OSBP2: variants seen among roughly 807,000 people sequenced by gnomAD.
OSBP2 encodes the protein oxysterol-binding protein 2.
A neutral mutation model predicts 96.0 loss-of-function variants in OSBP2; 66 were observed. That is an observed-to-expected ratio of 0.69 (90% CI 0.56 to 0.84). OSBP2 has a LOEUF of 0.84. Ranked by LOEUF, OSBP2 falls within the 40% of genes least tolerant of loss-of-function variation. OSBP2 has a pLI of 0.00. For synonymous variants in OSBP2, 525 were observed against 520.9 expected, an observed-to-expected ratio of 1.01 and a Z score of -0.11; for missense variants, 1,038 against 1,222.7, an observed-to-expected ratio of 0.85 and a Z score of 2.25.
chr22:30,783,611 T>G (rs972169928), intron 2 of OSBP2, among the ~76,000 whole-genome samples: 2 of 152,164 alleles, frequency 1.3e-5, no homozygotes, highest in African/African-American at 2.4e-5. Flanking sequence ...CGTGAGCCAC[T>G]ACGCCAGGCC....
intron 3 of OSBP2, among the ~76,000 whole-genome samples, chr22:30,883,677 G>T (rs2039746897): frequency 6.6e-6 from 1 of 152,178 alleles, no homozygotes; most frequent in Non-Finnish European, 1.5e-5. Context: ...GTGCCCTCAG[G>T]GCTAGCTTTG....
At chr22:30,859,189 G>A (rs79330895) in intron 2 of OSBP2, among the ~76,000 whole-genome samples, 2 of 151,982 alleles carry the variant, frequency 1.3e-5, no homozygotes, top group Non-Finnish European at 2.9e-5. Flanking sequence ...AGGAGAAGCC[G>A]CGCTGGCTGT....
At chr22:30,725,797 T>C (rs534591978) in intron 1 of OSBP2, among the ~76,000 whole-genome samples, 2 of 151,850 alleles carry the variant, frequency 1.3e-5, no homozygotes, top group South Asian at 4.2e-4. Flanking sequence ...AGTCTTTTTT[T>C]TTTTTTTCCT....
At chr22:30,885,757 A>G (rs1442268133) in intron 3 of OSBP2, among the ~76,000 whole-genome samples, 1 of 152,226 alleles carries the variant, frequency 6.6e-6, no homozygotes, top group Non-Finnish European at 1.5e-5. Context: ...GGGCCCTACC[A>G]TAATGAGCAA....
chr22:30,806,228 A>G (rs2090925869), intron 2 of OSBP2, among the ~76,000 whole-genome samples: 1 of 152,194 alleles, frequency 6.6e-6, no homozygotes, highest in South Asian at 2.1e-4. Flanking sequence ...GACCTCACAG[A>G]TGAGCTGATG....
intron 12 of OSBP2, among the ~76,000 whole-genome samples, chr22:30,905,332 C>T (rs191945756): frequency 6.6e-6 from 1 of 151,134 alleles, no homozygotes; most frequent in Non-Finnish European, 1.5e-5. Context: ...TTAGTAGAAA[C>T]GGGCTTTCAC....
At chr22:30,814,165 C>T (rs1176085375) in intron 2 of OSBP2, among the ~76,000 whole-genome samples, 1 of 152,100 alleles carries the variant, frequency 6.6e-6, no homozygotes, top group Non-Finnish European at 1.5e-5. Context: ...GTATATGAGT[C>T]AGCCTGGGCT....
intron 2 of OSBP2, chr22:30,764,340 A>T: frequency 2.0e-6 from 2 of 985,382 alleles, no homozygotes; most frequent in Non-Finnish European, 2.4e-6. Context: ...GGCCCTAAAG[A>T]ATACCTGGAC....
At chr22:30,838,219 C>T (rs1423579964) in intron 2 of OSBP2, among the ~76,000 whole-genome samples, 1 of 152,142 alleles carries the variant, frequency 6.6e-6, no homozygotes, top group African/African-American at 2.4e-5. Flanking sequence ...GCTTCATGCA[C>T]ATCCCGAGCA....
intron 2 of OSBP2, among the ~76,000 whole-genome samples, chr22:30,845,903 G>C (rs1174545104): frequency 6.9e-6 from 1 of 144,498 alleles, no homozygotes; most frequent in South Asian, 2.2e-4. Flanking sequence ...AAAAAAGGCA[G>C]TATTTGCAAA....
chr22:30,889,696 G>T, intron 7 of OSBP2, 60 bp downstream of exon 7: 1 of 1,522,308 alleles, frequency 6.6e-7, no homozygotes, highest in Non-Finnish European at 9.1e-7. Flanking sequence ...CCTGTGCGTG[G>T]ATGAGCAGTA....
intron 1 of OSBP2, among the ~76,000 whole-genome samples, chr22:30,727,307 A>G (rs1006198312): frequency 1.3e-5 from 2 of 152,098 alleles, no homozygotes; most frequent in Non-Finnish European, 1.5e-5. Context: ...GTGTCTCTCA[A>G]ACATTGCCCT....
chr22:30,759,252 G>A (rs2090178470), intron 2 of OSBP2, among the ~76,000 whole-genome samples: 1 of 152,180 alleles, frequency 6.6e-6, no homozygotes, highest in Admixed American at 6.6e-5. Flanking sequence ...GGAGGCTGAG[G>A]CAGGAGAATC....
At chr22:30,831,092 A>G (rs2038513092) in intron 2 of OSBP2, among the ~76,000 whole-genome samples, 1 of 152,208 alleles carries the variant, frequency 6.6e-6, no homozygotes, top group Admixed American at 6.5e-5. Flanking sequence ...TCCGGGACAC[A>G]TTGCCAAGAA....
chr22:30,724,738 A>G (rs1021999423), intron 1 of OSBP2, among the ~76,000 whole-genome samples: 1 of 152,240 alleles, frequency 6.6e-6, no homozygotes, highest in Non-Finnish European at 1.5e-5. Flanking sequence ...GGGACGAGAC[A>G]GTCCAGGTCC....
chr22:30,813,171 C>CTTTTTTTTTTT (rs911860511), intron 2 of OSBP2, among the ~76,000 whole-genome samples: 1 of 78,588 alleles, frequency 1.3e-5, no homozygotes, highest in Non-Finnish European at 2.5e-5. Flanking sequence ...ATGTTGCATT[C>CTTTTTTTTTTT]TTTTTTTTTT....
rs1381890154 is a variant in OSBP2, at chr22:30,893,842, A to AGG, written c.2218_2219dup (p.Lys741AlafsTer67). 1 of 1,589,550 alleles carries AGG rather than the reference A, an allele frequency of 6.3e-7. No individual in the cohort carries two copies. ...GTGACAGGAGTGGTGAGTGACAGCC[A>AGG]GGGCAAGGCCCATTACGTGCTGTCC... On this transcript the variant is annotated frameshift_variant, in exon 12 of 14. Coordinates refer to ENST00000332585, the MANE Select transcript of OSBP2 (RefSeq NM_030758.4). LOFTEE classifies it high-confidence loss of function.
At chr22:30,730,809 A>ATATATATTATT (rs1569100787) in intron 1 of OSBP2, among the ~76,000 whole-genome samples, 1 of 21,268 alleles carries the variant, frequency 4.7e-5, no homozygotes. Flanking sequence ...TATATATATA[A>ATATATATTATT]TTTTTTTTTT....
chr22:30,806,492 G>A (rs1005414679), intron 2 of OSBP2, among the ~76,000 whole-genome samples: 26 of 152,152 alleles, frequency 1.7e-4, no homozygotes, highest in Admixed American at 1.3e-3. Flanking sequence ...GGCAGCAGCC[G>A]CAGCAGTAAA....
Sources: allele counts gnomAD v4.1 joint callset (sites outside exome capture counted in the v4.1 genomes callset), GRCh38; gene constraint gnomAD v4.1.1; transcripts MANE v1.5; gene names NCBI Gene and HGNC (gene_info 2026-07-23, HGNC 2026-07-21).